ECD: variants seen among roughly 807,000 people sequenced by gnomAD.
ECD encodes ecdysoneless cell cycle regulator.
ECD carries 59 observed loss-of-function variants against 77.2 expected under a neutral mutation model. The observed-to-expected ratio is 0.76, with a 90% CI of 0.62 to 0.95. ECD has a LOEUF of 0.95. ECD is among the 40% of genes least tolerant of loss of function. The pLI is 0.00. For missense variants in ECD, 704 were observed against 763.4 expected, an observed-to-expected ratio of 0.92 and a Z score of 0.92; for synonymous variants, 233 against 267.4, an observed-to-expected ratio of 0.87 and a Z score of 1.26.
intron 8 of ECD, among the ~76,000 whole-genome samples, chr10:73,148,022 C>T (rs1038099140): frequency 6.6e-6 from 1 of 152,092 alleles, no homozygotes; most frequent in African/African-American, 2.4e-5. Flanking sequence ...CAAGTTTTTG[C>T]AAGTTGTTTT....
chr10:73,138,561 T>G (rs1843006578), intron 11 of ECD, among the ~76,000 whole-genome samples: 1 of 151,632 alleles, frequency 6.6e-6, no homozygotes, highest in African/African-American at 2.4e-5. Flanking sequence ...CAAGTAACAG[T>G]TTTTTTTGTT....
At position 73,152,238 on chromosome 10, in the gene ECD, A is replaced by G. The variant is rs552796067; in HGVS notation, c.912+55T>C. 6.3e-6 allele frequency: 10 copies of G among 1,589,284 alleles called. No individual in the cohort carries two copies. In the East Asian group the frequency reaches 1.4e-4, roughly 22 times the overall value. ...ACTTTGTATATTGTGCCACTATTCT[A>G]TTAAGAGTCCATTTACATAAAGAAA... On this transcript the variant is annotated intron_variant, in intron 7 of 13. Coordinates refer to ENST00000372979, the MANE Select transcript of ECD (RefSeq NM_007265.3).
In ECD at chr10:73,136,810, G is replaced by A. The variant is rs1057443269; in HGVS notation, c.1598C>T (p.Ala533Val). The A allele has an allele frequency of 6.8e-6, 11 of 1,614,036 alleles. No homozygotes were observed. Among genetic ancestry groups the A allele is most frequent in the Non-Finnish European group, 5.1e-6 (6 of 1,180,010 alleles). ...ATTATCAAGTGTTCCTTTCAGGGAA[G>A]CCTCTTCGCCAGGTTCGTGTGTTTC... ...DFETHEPGEE[A>V]SLKGTLDNLK... The change falls in exon 13 of 14, where the codon GCT (alanine) becomes GTT (valine). Residue 533 changes from alanine (A) to valine (V), a missense_variant. This residue lies in a region of ECD where 142 missense variants were observed against 163.6 expected (regional missense o/e 0.87). Transcript: ENST00000372979.
At chr10:73,159,929 C>G (rs553671111) in intron 3 of ECD, among the ~76,000 whole-genome samples, 2 of 151,106 alleles carry the variant, frequency 1.3e-5, no homozygotes, top group South Asian at 4.2e-4. Flanking sequence ...TGTGAGCCAC[C>G]GCGCCTGGCC....
chr10:73,157,587 T>C (rs1843313282), intron 3 of ECD, among the ~76,000 whole-genome samples: 1 of 151,310 alleles, frequency 6.6e-6, no homozygotes, highest in African/African-American at 2.4e-5. Context: ...CCAGGCGTGG[T>C]GGCCCATGCC....
intron 9 of ECD, among the ~76,000 whole-genome samples, chr10:73,143,218 G>T (rs1225793413): frequency 6.6e-6 from 1 of 152,166 alleles, no homozygotes; most frequent in Admixed American, 6.5e-5. Context: ...ACCTAGGCTG[G>T]AGTGCAGTGG....
In ECD at chr10:73,148,383, A is replaced by AT; in HGVS notation, c.933dup (p.Cys312MetfsTer5). 1.9e-6 allele frequency: 3 copies of AT among 1,613,916 alleles called. No individual in the cohort carries two copies. Among genetic ancestry groups the AT allele is most frequent in the Non-Finnish European group, 2.5e-6 (3 of 1,179,836 alleles). On this transcript the variant is annotated frameshift_variant, in exon 8 of 14. Transcript: ENST00000372979. LOFTEE classifies it high-confidence loss of function. The stretch of plus-strand genomic sequence containing the variant: ...GAAAAATGTGGGCTACATTTGGAGC[A>AT]TAAGATCTCAAATCCATGAGCCTAG...
At chr10:73,158,569 C>T (rs1474114299) in intron 3 of ECD, among the ~76,000 whole-genome samples, 2 of 151,822 alleles carry the variant, frequency 1.3e-5, no homozygotes, top group Non-Finnish European at 2.9e-5. Flanking sequence ...AACCTTGTCT[C>T]TACAAAAAAT....
At chr10:73,140,769 A>G (rs1843045966) in intron 9 of ECD, among the ~76,000 whole-genome samples, 1 of 152,126 alleles carries the variant, frequency 6.6e-6, no homozygotes, top group Admixed American at 6.5e-5. Context: ...AGCAGGCTCC[A>G]TGGAACATCA....
intron 3 of ECD, 37 bp downstream of exon 3, chr10:73,160,397 T>C (rs770401931): frequency 5.0e-6 from 7 of 1,388,702 alleles, no homozygotes; most frequent in Non-Finnish European, 6.9e-6. Context: ...GTTTCAGTAA[T>C]AGAATTCCTT....
intron 9 of ECD, among the ~76,000 whole-genome samples, chr10:73,144,822 C>A (rs1042811913): frequency 1.3e-5 from 2 of 151,970 alleles, no homozygotes; most frequent in Non-Finnish European, 2.9e-5. Flanking sequence ...TTAAAAAGAG[C>A]TAGTGTTTGG....
chr10:73,145,949 T>A (rs1258584716), intron 9 of ECD, among the ~76,000 whole-genome samples: 1 of 152,056 alleles, frequency 6.6e-6, no homozygotes, highest in Non-Finnish European at 1.5e-5. Flanking sequence ...GGCCATATTG[T>A]GCAGCTTTTA....
At position 73,137,707 on chromosome 10, in the gene ECD, C is replaced by T. The variant is rs543204860; in HGVS notation, c.1489+296G>A. ...AGAAGAATGGCATGAACCCAGGAGG[C>T]GGAGCTTGCAGTGAGCCGAGATCGT... is the stretch of plus-strand genomic sequence containing the variant. On this transcript the variant is annotated intron_variant, in intron 12 of 13. Coordinates refer to ENST00000372979, the MANE Select transcript of ECD (RefSeq NM_007265.3). Among the ~76,000 whole-genome samples, 157 of 149,794 alleles carry T rather than the reference C, an allele frequency of 1.0e-3. 1 individual carries two copies. Among genetic ancestry groups the T allele is most frequent in the Non-Finnish European group, 1.3e-3 (87 of 67,794 alleles).
At chr10:73,155,094 G>A (rs1465194702) in intron 5 of ECD, among the ~76,000 whole-genome samples, 3 of 151,974 alleles carry the variant, frequency 2.0e-5, no homozygotes, top group Non-Finnish European at 1.5e-5. Flanking sequence ...CTGTCGCCAG[G>A]CTGGAGTGCA....
At chr10:73,166,890 T>G (rs769027674) in intron 1 of ECD, among the ~76,000 whole-genome samples, 5 of 152,220 alleles carry the variant, frequency 3.3e-5, no homozygotes, top group Non-Finnish European at 7.3e-5. Flanking sequence ...CTTTGCCCAC[T>G]CTAATGTCCT....
intron 6 of ECD, among the ~76,000 whole-genome samples, chr10:73,153,130 C>G (rs1353433686): frequency 6.6e-6 from 1 of 151,970 alleles, no homozygotes; most frequent in African/African-American, 2.4e-5. Flanking sequence ...GCTGGCCAGG[C>G]TGGTCTCAAA....
intron 9 of ECD, among the ~76,000 whole-genome samples, chr10:73,140,816 C>A (rs1348291747): frequency 6.6e-6 from 1 of 151,728 alleles, no homozygotes; most frequent in Non-Finnish European, 1.5e-5. Flanking sequence ...TCTTTCTATA[C>A]ATACATGCAG....
At chr10:73,146,102 G>A (rs1364564587) in intron 9 of ECD, among the ~76,000 whole-genome samples, 174 bp downstream of exon 9, 2 of 150,366 alleles carry the variant, frequency 1.3e-5, no homozygotes, top group Non-Finnish European at 3.0e-5. Context: ...CATCCAGGCT[G>A]GAGTGCAGTG....
intron 13 of ECD, among the ~76,000 whole-genome samples, chr10:73,136,297 T>C (rs1335906924): frequency 6.6e-6 from 1 of 152,234 alleles, no homozygotes; most frequent in African/African-American, 2.4e-5. Flanking sequence ...TATTTACTTA[T>C]GTTATTTTGT....
Sources: allele counts gnomAD v4.1 joint callset (sites outside exome capture counted in the v4.1 genomes callset), GRCh38; gene constraint gnomAD v4.1.1; regional missense constraint gnomAD v4.1.1; transcripts MANE v1.5; gene names NCBI Gene and HGNC (gene_info 2026-07-23, HGNC 2026-07-21).